CAMKMT: variants seen among roughly 807,000 people sequenced by gnomAD.
CAMKMT encodes the protein CaM KMT.
CAMKMT carries 53 observed loss-of-function variants against 48.0 expected under a neutral mutation model. The observed-to-expected ratio is 1.10, with a 90% CI of 0.89 to 1.39. The LOEUF (loss-of-function observed/expected upper bound fraction) is 1.39. CAMKMT is among the 40% of genes most tolerant of loss of function. The pLI, the probability that CAMKMT is intolerant of heterozygous loss-of-function variation, is 0.00. For synonymous variants in CAMKMT, 165 were observed against 152.3 expected (o/e 1.08, Z -0.61); for missense variants, 428 against 402.7 (o/e 1.06, Z -0.54).
intron 7 of CAMKMT, among the ~76,000 whole-genome samples, chr2:44,736,795 C>A (rs1679378718): frequency 1.3e-5 from 2 of 152,094 alleles, no homozygotes; most frequent in African/African-American, 4.8e-5. Context: ...TTAATCTTAT[C>A]CAATGTATTG....
chr2:44,763,850 C>T (rs1475938386), intron 9 of CAMKMT, among the ~76,000 whole-genome samples: 5 of 152,152 alleles, frequency 3.3e-5, no homozygotes, highest in African/African-American at 9.7e-5. Flanking sequence ...AAACCTGTAG[C>T]CTTGTGAACA....
chr2:44,707,176 G>A (rs1677609306), intron 5 of CAMKMT, among the ~76,000 whole-genome samples: 1 of 151,918 alleles, frequency 6.6e-6, no homozygotes, highest in African/African-American at 2.4e-5. Context: ...TTACCGAACA[G>A]AATGATAGCA....
At position 44,455,011 on chromosome 2, in the gene CAMKMT, A is replaced by G. The variant is rs181749160; in HGVS notation, c.376+64706A>G. 7.9e-5 allele frequency among the ~76,000 whole-genome samples: 12 copies of G among 152,252 alleles called. No individual in the cohort carries two copies. The East Asian group carries it at 2.3e-3, about 29-fold the overall frequency. On this transcript the variant is annotated intron_variant, in intron 3 of 10. Transcript: ENST00000378494. Reference sequence around the variant, plus strand: ...TTTACCCATGGATAGAGGACGTTGTATGAGGCAGAAGGGCATCATCACATT... The same window carrying G: ...TTTACCCATGGATAGAGGACGTTGTGTGAGGCAGAAGGGCATCATCACATT...
At chr2:44,624,945 G>C (rs1672396911) in intron 3 of CAMKMT, among the ~76,000 whole-genome samples, 1 of 152,194 alleles carries the variant, frequency 6.6e-6, no homozygotes, top group South Asian at 2.1e-4. Context: ...CCCACCAACA[G>C]TGTAAAAGTG....
chr2:44,737,141 A>G (rs1679398054), intron 7 of CAMKMT, among the ~76,000 whole-genome samples: 1 of 152,188 alleles, frequency 6.6e-6, no homozygotes, highest in Non-Finnish European at 1.5e-5. Flanking sequence ...TTAGAGACAG[A>G]GTCTCACTCA....
chr2:44,552,147 G>A (rs985086608), intron 3 of CAMKMT, among the ~76,000 whole-genome samples: 15 of 151,944 alleles, frequency 9.9e-5, no homozygotes, highest in Non-Finnish European at 2.2e-4. Context: ...CCTCCCCTCC[G>A]AGTCTCCAGT....
intron 3 of CAMKMT, among the ~76,000 whole-genome samples, chr2:44,595,716 A>G (rs1477046647): frequency 1.3e-5 from 2 of 152,220 alleles, no homozygotes; most frequent in Non-Finnish European, 2.9e-5. Flanking sequence ...TCACAATAGC[A>G]AAGACTTGGA....
At chr2:44,682,641 C>T (rs1044366106) in intron 3 of CAMKMT, among the ~76,000 whole-genome samples, 3 of 152,102 alleles carry the variant, frequency 2.0e-5, no homozygotes, top group African/African-American at 4.8e-5. Flanking sequence ...TGGCATTTGG[C>T]GGCAGACGAC....
chr2:44,697,562 CT>C (rs1677023859), intron 3 of CAMKMT, among the ~76,000 whole-genome samples: 1 of 152,066 alleles, frequency 6.6e-6, no homozygotes, highest in Admixed American at 6.6e-5. Context: ...CCTTTATAAA[CT>C]CCAGAGAAAA....
chr2:44,636,913 A>C (rs1673167995), intron 3 of CAMKMT, among the ~76,000 whole-genome samples: 1 of 151,944 alleles, frequency 6.6e-6, no homozygotes, highest in South Asian at 2.1e-4. Flanking sequence ...ACTTTACCTC[A>C]CCTCTCTCAA....
At chr2:44,564,775 G>T (rs1325426685) in intron 3 of CAMKMT, among the ~76,000 whole-genome samples, 1 of 151,994 alleles carries the variant, frequency 6.6e-6, no homozygotes, top group East Asian at 1.9e-4. Flanking sequence ...TCTGACCTCA[G>T]GTGATCCACC....
At chr2:44,577,904 T>G (rs1669321337) in intron 3 of CAMKMT, among the ~76,000 whole-genome samples, 1 of 152,230 alleles carries the variant, frequency 6.6e-6, no homozygotes, top group Non-Finnish European at 1.5e-5. Flanking sequence ...AGGAATTTAT[T>G]GCCCGTAGAC....
rs1057505043 is a variant in CAMKMT, at chr2:44,706,158, C to T, written c.438-129C>T. 3 of 795,946 alleles carry T rather than the reference C, an allele frequency of 3.8e-6. No individual in the cohort carries two copies. The African/African-American group carries it at 5.2e-5, about 14-fold the overall frequency. The allele number at this position is 795,946 out of a possible 1,614,324, so 49.3% of individuals were successfully genotyped here. A position where few individuals can be genotyped will look rare whatever the true frequency, so the allele number is the denominator to read the frequency against. Reference sequence around the variant, plus strand: ...GCAAAACGACATGAGGTAGCCTAGTCATGTCTCTACAACTTCCTGGTAGCG... The same window carrying T: ...GCAAAACGACATGAGGTAGCCTAGTTATGTCTCTACAACTTCCTGGTAGCG... On this transcript the variant is annotated intron_variant, in intron 4 of 10. Coordinates refer to ENST00000378494, the MANE Select transcript of CAMKMT (RefSeq NM_024766.5).
At chr2:44,388,549 C>G (rs1163622555) in intron 2 of CAMKMT, among the ~76,000 whole-genome samples, 1 of 152,096 alleles carries the variant, frequency 6.6e-6, no homozygotes, top group Non-Finnish European at 1.5e-5. Flanking sequence ...TGCTGGTTAA[C>G]TAGTGTGATT....
chr2:44,754,742 ACT>A (rs1680294568), intron 9 of CAMKMT, among the ~76,000 whole-genome samples: 1 of 151,814 alleles, frequency 6.6e-6, no homozygotes, highest in African/African-American at 2.4e-5. Context: ...GTTTGTATCC[ACT>A]CTTATTTTGT....
intron 8 of CAMKMT, among the ~76,000 whole-genome samples, chr2:44,748,044 A>G (rs1315795378): frequency 6.6e-6 from 1 of 152,214 alleles, no homozygotes; most frequent in Non-Finnish European, 1.5e-5. Context: ...CTCTCAGCCC[A>G]TTAAGACTTA....
intron 9 of CAMKMT, 134 bp from the exon 10 acceptor site, chr2:44,766,296 A>G (rs1230607393): frequency 1.1e-6 from 1 of 894,416 alleles, no homozygotes; most frequent in African/African-American, 1.7e-5. Context: ...GTGAATGTCC[A>G]TCCTGCATAG....
At chr2:44,547,071 G>A (rs1349074246) in intron 3 of CAMKMT, among the ~76,000 whole-genome samples, 1 of 152,096 alleles carries the variant, frequency 6.6e-6, no homozygotes, top group Non-Finnish European at 1.5e-5. Context: ...TCCTGAGGGT[G>A]GGGAAGAACT....
At chr2:44,385,256 T>G (rs1680673648) in intron 2 of CAMKMT, among the ~76,000 whole-genome samples, 4 of 151,910 alleles carry the variant, frequency 2.6e-5, no homozygotes, top group Admixed American at 2.0e-4. Context: ...GCAAAAAGGG[T>G]TGAGTTCTTG....
Sources: allele counts gnomAD v4.1 joint callset (sites outside exome capture counted in the v4.1 genomes callset), GRCh38; gene constraint gnomAD v4.1.1; transcripts MANE v1.5; gene names NCBI Gene and HGNC (gene_info 2026-07-23, HGNC 2026-07-21).